XYLT1: variants seen among roughly 807,000 people sequenced by gnomAD.
XYLT1 encodes xylosyltransferase 1, also known as beta-D-xylosyltransferase 1.
A neutral mutation model predicts 91.3 loss-of-function variants in XYLT1; 36 were observed. That is an observed-to-expected ratio of 0.39 (90% confidence interval 0.30 to 0.52). XYLT1 has a LOEUF of 0.52. Ranked by LOEUF, XYLT1 falls within the 20% of genes least tolerant of loss-of-function variation. The pLI is 0.68. For missense variants in XYLT1, 1,242 were observed against 1,284.5 expected, an observed-to-expected ratio of 0.97 and a Z score of 0.51; for synonymous variants, 588 against 532.0, an observed-to-expected ratio of 1.11 and a Z score of -1.45.
chr16:17,161,972 C>T (rs966646231), intron 5 of XYLT1, among the ~76,000 whole-genome samples: 1 of 152,110 alleles, frequency 6.6e-6, no homozygotes, highest in African/African-American at 2.4e-5. Context: ...ATATGAGAAT[C>T]TTTTTCGAAA....
chr16:17,289,875 A>G (rs188302971), intron 2 of XYLT1, among the ~76,000 whole-genome samples: 2 of 152,322 alleles, frequency 1.3e-5, no homozygotes, highest in African/African-American at 4.8e-5. Flanking sequence ...CTCTGGGGCA[A>G]CCTCTCTGTA....
rs1042013596 is a variant in XYLT1, at chr16:17,312,616, C to T, written c.402+45396G>A. 1.3e-5 allele frequency among the ~76,000 whole-genome samples: 2 copies of T among 152,152 alleles called. No homozygotes were observed. Among genetic ancestry groups the T allele is most frequent in the African/African-American group, 2.4e-5 (1 of 41,434 alleles). ...ATTCACATCAGTACAATACTGTTAA[C>T]GGGACTGCAGATTTTGTTTTTGTTT... is the stretch of plus-strand genomic sequence containing the variant. On this transcript the variant is annotated intron_variant, in intron 2 of 11. Coordinates refer to ENST00000261381, the MANE Select transcript of XYLT1 (RefSeq NM_022166.4). This position sits in a 1 kb window ranked among gnomAD's most constrained non-coding sequence, Gnocchi z 4.4.
intron 2 of XYLT1, among the ~76,000 whole-genome samples, chr16:17,269,261 T>C (rs2033852154): frequency 6.6e-6 from 1 of 152,160 alleles, no homozygotes; most frequent in Non-Finnish European, 1.5e-5. Flanking sequence ...CACGACTCAC[T>C]GCAGCCTCAA....
intron 2 of XYLT1, among the ~76,000 whole-genome samples, chr16:17,281,805 C>T (rs1366118549): frequency 6.6e-6 from 1 of 152,184 alleles, no homozygotes; most frequent in African/African-American, 2.4e-5. Context: ...TCTTGGGTGC[C>T]ACCGTGGGCC....
chr16:17,277,479 T>A (rs2033994806), intron 2 of XYLT1, among the ~76,000 whole-genome samples: 1 of 152,102 alleles, frequency 6.6e-6, no homozygotes, highest in Non-Finnish European at 1.5e-5. Context: ...AACCTCTGCC[T>A]CCGGGGTTCA....
intron 3 of XYLT1, chr16:17,228,066 T>C (rs1428461917): frequency 6.6e-6 from 1 of 152,170 alleles, no homozygotes; most frequent in Non-Finnish European, 1.5e-5. Context: ...CTGTTGTAGG[T>C]TTGGATCAGG....
At chr16:17,120,993 C>T (rs1014969639) in intron 10 of XYLT1, among the ~76,000 whole-genome samples, 1 of 152,190 alleles carries the variant, frequency 6.6e-6, no homozygotes, top group Admixed American at 6.5e-5. Context: ...ATTAACGTAT[C>T]CACCCATCTG....
chr16:17,229,986 C>A (rs950115979), intron 3 of XYLT1, among the ~76,000 whole-genome samples: 1 of 152,192 alleles, frequency 6.6e-6, no homozygotes, highest in African/African-American at 2.4e-5. Flanking sequence ...CTGATAGAGG[C>A]AGGGACTGCA....
chr16:17,117,649 G>A lies in XYLT1; in HGVS notation c.2554C>T (p.Pro852Ser). Residue 852 changes from proline (P) to serine (S), a missense_variant, in exon 11 of 12, where the codon CCT becomes TCT. Pro to Ser is a moderately conservative substitution (Grantham distance 74). This residue lies in a region of XYLT1 where 511 missense variants were observed against 497.0 expected (regional missense o/e 1.03). Coordinates refer to ENST00000261381, the MANE Select transcript of XYLT1 (RefSeq NM_022166.4). ...LTFSNRQPIK[P>S]EEALKLHNGP... ...CATAGACACTGGGAGTACTTACCAG[G>A]TTTGATGGGCTGCCTGTTCGAGAAG... 6.2e-7 allele frequency: 1 copy of A among 1,611,432 alleles called. No individual in the cohort carries two copies. The highest frequency in any genetic ancestry group is 2.2e-5 in the East Asian group (1 of 44,822).
chr16:17,183,135 G>A (rs2032107345), intron 5 of XYLT1, among the ~76,000 whole-genome samples: 3 of 152,154 alleles, frequency 2.0e-5, no homozygotes, highest in South Asian at 4.1e-4. Context: ...GCTTGGCCAC[G>A]ATCAAGTCAT....
chr16:17,358,900 A>T (rs1293102736), intron 1 of XYLT1, among the ~76,000 whole-genome samples: 1 of 152,120 alleles, frequency 6.6e-6, no homozygotes, highest in African/African-American at 2.4e-5. Flanking sequence ...GTCTTTTTTT[A>T]GGATAGAGAA....
chr16:17,211,658 A>G (rs2032759647), intron 3 of XYLT1, among the ~76,000 whole-genome samples: 1 of 152,182 alleles, frequency 6.6e-6, no homozygotes. Context: ...GAGGTGGAGA[A>G]GAAATTAGGA....
chr16:17,144,837 C>G (rs1483255862), intron 6 of XYLT1, among the ~76,000 whole-genome samples: 2 of 152,224 alleles, frequency 1.3e-5, no homozygotes. Flanking sequence ...CTACTCCATG[C>G]AGGCTCCATG....
At chr16:17,343,624 C>G (rs1688524294) in intron 2 of XYLT1, among the ~76,000 whole-genome samples, 1 of 152,186 alleles carries the variant, frequency 6.6e-6, no homozygotes, top group African/African-American at 2.4e-5. Context: ...GCACGGGCCA[C>G]TACACGCAGA....
chr16:17,120,406 C>T (rs537147329), intron 10 of XYLT1, among the ~76,000 whole-genome samples: 1 of 152,158 alleles, frequency 6.6e-6, no homozygotes, highest in African/African-American at 2.4e-5. Context: ...TCCACTTGCT[C>T]CTTGCTCCAG....
At chr16:17,243,849 T>G (rs1567338732) in intron 3 of XYLT1, among the ~76,000 whole-genome samples, 1 of 152,208 alleles carries the variant, frequency 6.6e-6, no homozygotes, top group East Asian at 1.9e-4. Context: ...AGACTGTGGA[T>G]GCCAATGTGT....
intron 1 of XYLT1, among the ~76,000 whole-genome samples, chr16:17,373,311 T>G (rs1313818269): frequency 6.6e-6 from 1 of 152,190 alleles, no homozygotes; most frequent in African/African-American, 2.4e-5. Context: ...CTCGGGCCAC[T>G]GACGTTCATC....
intron 2 of XYLT1, among the ~76,000 whole-genome samples, chr16:17,322,096 A>T (rs1054100282): frequency 1.3e-5 from 2 of 152,218 alleles, no homozygotes; most frequent in African/African-American, 2.4e-5. Flanking sequence ...CCCCTGAGTT[A>T]TCTTACTTAA....
chr16:17,358,954 T>C (rs984365309), intron 1 of XYLT1, among the ~76,000 whole-genome samples: 13 of 152,222 alleles, frequency 8.5e-5, no homozygotes, highest in African/African-American at 2.9e-4. Context: ...CAAAAGCCGA[T>C]TGACTGGGAA....
Sources: allele counts gnomAD v4.1 joint callset (sites outside exome capture counted in the v4.1 genomes callset), GRCh38; gene constraint gnomAD v4.1.1; regional missense constraint gnomAD v4.1.1; non-coding constraint Gnocchi (gnomAD v3.1); transcripts MANE v1.5; gene names NCBI Gene and HGNC (gene_info 2026-07-23, HGNC 2026-07-21).